The following LRBA variants were observed in gnomAD, a reference collection of about 807,000 sequenced individuals.
The protein encoded by LRBA is lipopolysaccharide-responsive and beige-like anchor protein.
A neutral mutation model predicts 330.0 loss-of-function variants in LRBA; 176 were observed. The ratio of observed to expected loss-of-function variants is 0.53; its 90% CI spans 0.47 to 0.60. LRBA has a LOEUF of 0.60. Among genes scored for constraint, LRBA ranks in the 20% least tolerant of loss-of-function variants. LRBA has a pLI of 0.00. For synonymous variants in LRBA, 1,230 were observed against 1,193.0 expected, an observed-to-expected ratio of 1.03 and a Z score of -0.64; for missense variants, 3,259 against 3,444.8, an observed-to-expected ratio of 0.95 and a Z score of 1.35.
intron 34 of LRBA, among the ~76,000 whole-genome samples, chr4:150,785,276 A>C (rs1560814361): frequency 6.6e-6 from 1 of 152,192 alleles, no homozygotes; most frequent in Non-Finnish European, 1.5e-5. Context: ...TCTGGTTGTC[A>C]GAAATGCAAA....
rs577974998 is a variant in LRBA, at chr4:150,884,386, T to C, written c.2165+8666A>G. On this transcript the variant is annotated intron_variant, in intron 17 of 56. Coordinates refer to ENST00000651943, the MANE Select transcript of LRBA (RefSeq NM_001364905.1). ...AGACATAGCTGATTGAGAAAGTACCTATATCCAGGAGACACCTGGGTCACT... is the reference window on the plus strand; with the variant it reads ...AGACATAGCTGATTGAGAAAGTACCCATATCCAGGAGACACCTGGGTCACT... 3.7e-4 allele frequency among the ~76,000 whole-genome samples: 56 copies of C among 152,254 alleles called. 1 individual carries two copies. Among genetic ancestry groups the C allele is most frequent in the Non-Finnish European group, 8.8e-5 (6 of 68,026 alleles).
At chr4:150,437,839 C>T (rs1022254667) in intron 44 of LRBA, among the ~76,000 whole-genome samples, 4 of 152,170 alleles carry the variant, frequency 2.6e-5, no homozygotes, top group African/African-American at 9.6e-5. Flanking sequence ...GAAATAATTG[C>T]CTTTAGCAAA....
At position 150,470,150 on chromosome 4, in the gene LRBA, T is replaced by G. The variant is rs114744543; in HGVS notation, c.6667+1474A>C. On this transcript the variant is annotated intron_variant, in intron 43 of 56. Transcript: ENST00000651943. ...GTGAGCCGAGATCGTGCCATTGCAC[T>G]CCAGCCTGGGGAAGAGGAGAGCAAC... Among the ~76,000 whole-genome samples the G allele has an allele frequency of 5.8e-3, 877 of 152,276 alleles. 8 individuals are homozygous for G. Among genetic ancestry groups the G allele is most frequent in the African/African-American group, 0.021 (854 of 41,566 alleles).
At chr4:150,539,113 C>T (rs980620733) in intron 40 of LRBA, among the ~76,000 whole-genome samples, 1 of 152,042 alleles carries the variant, frequency 6.6e-6, no homozygotes, top group Non-Finnish European at 1.5e-5. Flanking sequence ...GTAGCTGGGA[C>T]TATGGGCACG....
At chr4:150,456,756 A>G (rs1026427981) in intron 44 of LRBA, among the ~76,000 whole-genome samples, 2 of 152,080 alleles carry the variant, frequency 1.3e-5, no homozygotes, top group African/African-American at 4.8e-5. Context: ...TGTGTAGACC[A>G]ATGTCTTGGA....
At chr4:150,799,481 G>A (rs1260815499) in intron 33 of LRBA, among the ~76,000 whole-genome samples, 3 of 152,128 alleles carry the variant, frequency 2.0e-5, no homozygotes, top group African/African-American at 7.2e-5. Context: ...AATAAAAGAA[G>A]TTCAGTTTTG....
intron 4 of LRBA, 80 bp from the exon 5 acceptor site, chr4:150,921,373 G>T (rs2149495636): frequency 1.2e-6 from 1 of 822,438 alleles, no homozygotes; most frequent in East Asian, 2.5e-5. Context: ...TAGTCTTGCT[G>T]TAATATATAC....
intron 2 of LRBA, among the ~76,000 whole-genome samples, chr4:150,935,748 A>C (rs1242442109): frequency 6.6e-6 from 1 of 151,978 alleles, no homozygotes; most frequent in Non-Finnish European, 1.5e-5. Context: ...AAAATAATCT[A>C]ATTAAAATAA....
chr4:150,605,000 A>ATTC (rs535203901), intron 37 of LRBA, among the ~76,000 whole-genome samples: 1 of 152,242 alleles, frequency 6.6e-6, no homozygotes, highest in Non-Finnish European at 1.5e-5. Flanking sequence ...AAACACAAGC[A>ATTC]AAATTCAATA....
intron 4 of LRBA, among the ~76,000 whole-genome samples, chr4:150,921,945 C>T (rs542418622): frequency 1.3e-5 from 2 of 152,258 alleles, no homozygotes; most frequent in African/African-American, 4.8e-5. Flanking sequence ...AGGCTGGTCT[C>T]GAACCAACCT....
intron 47 of LRBA, among the ~76,000 whole-genome samples, chr4:150,370,915 C>T (rs1740185950): frequency 6.6e-6 from 1 of 152,002 alleles, no homozygotes; most frequent in African/African-American, 2.4e-5. Context: ...ATATCTCATG[C>T]CTAAGAAAGT....
intron 2 of LRBA, among the ~76,000 whole-genome samples, chr4:150,983,096 A>G (rs1741041484): frequency 6.6e-6 from 1 of 152,096 alleles, no homozygotes; most frequent in South Asian, 2.1e-4. Flanking sequence ...AAAAACAAAA[A>G]GAAAAAGAAA....
At chr4:150,762,880 A>C (rs1173858447) in intron 34 of LRBA, among the ~76,000 whole-genome samples, 1 of 151,872 alleles carries the variant, frequency 6.6e-6, no homozygotes, top group African/African-American at 2.4e-5. Flanking sequence ...AAGACTTTCA[A>C]ATTCCATGCA....
In LRBA at chr4:150,487,833, A is replaced by G. The variant is rs750020354; in HGVS notation, c.6450T>C (p.Val2150=). ...GGTCTGGGAAGTTGAACATCACAGC[A>G]ACTACAACAGATGATTTTTAAAAAT... ...TALEIFMANR[V]AVMFNFPDPA... The change falls in exon 42 of 57, where the codon GTT becomes GTC. Residue 2150 remains valine, a splice_region_variant and synonymous_variant. Coordinates refer to ENST00000651943, the MANE Select transcript of LRBA (RefSeq NM_001364905.1). The G allele has an allele frequency of 1.3e-5, 20 of 1,542,126 alleles. No individual in the cohort carries two copies. Among genetic ancestry groups the G allele is most frequent in the East Asian group, 2.3e-5 (1 of 44,224 alleles).
Position 150,310,293 on chromosome 4 carries a change from G to A in LRBA, c.7785C>T (p.Asp2595=), listed in dbSNP as rs368794896. 1.9e-6 allele frequency: 3 copies of A among 1,612,326 alleles called. No homozygotes were observed. The highest frequency in any genetic ancestry group is 1.3e-5 in the African/African-American group (1 of 74,896). ...AGCCACAGACGAGAATATAGCGGTT[G>A]TCTGAAGTGATGACAAAGCACTGGG... ...VHSQCFVITS[D]NRYILVCGFW... Residue 2595 remains aspartate (D), a synonymous_variant, in exon 52 of 57, where the codon GAC becomes GAT. Coordinates refer to ENST00000651943, the MANE Select transcript of LRBA (RefSeq NM_001364905.1).
At chr4:150,551,556 G>A (rs1011012359) in intron 40 of LRBA, among the ~76,000 whole-genome samples, 5 of 151,982 alleles carry the variant, frequency 3.3e-5, no homozygotes, top group African/African-American at 9.7e-5. Context: ...GAACATGCCT[G>A]TAGTCCCAGC....
chr4:150,941,513 A>G (rs1413919618), intron 2 of LRBA, among the ~76,000 whole-genome samples: 1 of 152,214 alleles, frequency 6.6e-6, no homozygotes, highest in Non-Finnish European at 1.5e-5. Flanking sequence ...ATTCTTAGAC[A>G]AAATTTAACA....
chr4:150,539,187 G>A (rs1473428050), intron 40 of LRBA, among the ~76,000 whole-genome samples: 1 of 152,110 alleles, frequency 6.6e-6, no homozygotes, highest in African/African-American at 2.4e-5. Flanking sequence ...TGTTGTTCAG[G>A]ATGGTCTCAA....
At chr4:150,792,646 C>T (rs1184206001) in intron 34 of LRBA, among the ~76,000 whole-genome samples, 4 of 152,172 alleles carry the variant, frequency 2.6e-5, no homozygotes, top group African/African-American at 9.7e-5. Context: ...GCTAGGTCTA[C>T]AGGCACATGC....
Sources: gnomAD v4.1 joint callset for allele counts (sites outside exome capture counted in the v4.1 genomes callset) on GRCh38, gnomAD v4.1.1 for gene constraint, MANE v1.5 for transcripts, NCBI Gene and HGNC (gene_info 2026-07-23, HGNC 2026-07-21) for gene names.